The following MS4A6E variants were observed in gnomAD, a reference collection of about 807,000 sequenced individuals.
MS4A6E encodes the protein membrane-spanning 4-domains subfamily A member 6E.
A neutral mutation model predicts 13.2 loss-of-function variants in MS4A6E; 8 were observed. The ratio of observed to expected loss-of-function variants is 0.60; its 90% CI spans 0.35 to 1.09. MS4A6E has a LOEUF of 1.09. Ranked by LOEUF, MS4A6E falls within the 50% of genes least tolerant of loss-of-function variation. The pLI is 0.02. For missense variants in MS4A6E, 177 were observed against 171.1 expected (o/e 1.03, Z -0.19); for synonymous variants, 72 against 67.6 (o/e 1.06, Z -0.32).
Position 60,340,809 on chromosome 11 carries a change from G to C in MS4A6E, c.*43G>C. The C allele has an allele frequency of 5.0e-6, 1 of 198,690 alleles. No homozygotes were observed. The highest frequency in any genetic ancestry group is 1.1e-5 in the Non-Finnish European group (1 of 90,794). The allele number at this position is 198,690 out of a possible 1,614,324, so 12.3% of individuals were successfully genotyped here. On this transcript the variant is annotated 3_prime_UTR_variant, in exon 5 of 5. Coordinates refer to ENST00000684409, the MANE Select transcript of MS4A6E (RefSeq NM_139249.4). ...GTCCTCAAAGACGACTCATGATGCT[G>C]GATATGAAGAACTATTGACTTCTTG...
At chr11:60,338,691 A>C (rs1285491722) in intron 3 of MS4A6E, 1 of 152,242 alleles carries the variant, frequency 6.6e-6, no homozygotes. Context: ...CCAGCAACGC[A>C]TTGAGAGGAA....
rs1282669789 is a variant in MS4A6E at position 60,340,915 on chromosome 11, T to C, written c.*149T>C. ...CCTAACCATTATAAAAAAGCAAACT[T>C]GAGTTTCCTAAATGTAAGCATTTAA... is the stretch of plus-strand genomic sequence containing the variant. On this transcript the variant is annotated 3_prime_UTR_variant, in exon 5 of 5. Coordinates refer to ENST00000684409, the MANE Select transcript of MS4A6E (RefSeq NM_139249.4). 10 of 153,500 alleles carry C rather than the reference T, an allele frequency of 6.5e-5. No individual in the cohort carries two copies. The highest frequency in any genetic ancestry group is 1.5e-4 in the Non-Finnish European group (10 of 68,258). The allele number at this position is 153,500 out of a possible 1,614,324, so 9.5% of individuals were successfully genotyped here. A position where few individuals can be genotyped will look rare whatever the true frequency, so the allele number is the denominator to read the frequency against.
chr11:60,333,892 T>A (rs2085172003), intron 1 of MS4A6E, among the ~76,000 whole-genome samples: 1 of 152,202 alleles, frequency 6.6e-6, no homozygotes, highest in African/African-American at 2.4e-5. Flanking sequence ...CACGGGAACT[T>A]GGGAGCACTT....
intron 4 of MS4A6E, among the ~76,000 whole-genome samples, chr11:60,347,186 T>C (rs907267188): frequency 1.3e-5 from 2 of 152,198 alleles, no homozygotes; most frequent in Non-Finnish European, 2.9e-5. Flanking sequence ...ACTCAGTAGC[T>C]GTCTCAGATT....
At chr11:60,333,850 G>C (rs1183166710) in intron 1 of MS4A6E, among the ~76,000 whole-genome samples, 1 of 152,180 alleles carries the variant, frequency 6.6e-6, no homozygotes, top group Non-Finnish European at 1.5e-5. Flanking sequence ...CTCCTTTGTT[G>C]TCAAACATAA....
downstream of MS4A6E, among the ~76,000 whole-genome samples, chr11:60,345,580 C>T (rs2085252646): frequency 6.6e-6 from 1 of 152,178 alleles, no homozygotes; most frequent in African/African-American, 2.4e-5. Flanking sequence ...AACTTGTTCA[C>T]AGTCATATTC....
intron 2 of MS4A6E, among the ~76,000 whole-genome samples, chr11:60,335,802 A>G (rs989220024): frequency 3.3e-5 from 5 of 152,232 alleles, no homozygotes; most frequent in Non-Finnish European, 7.3e-5. Flanking sequence ...TCTGAGGTGG[A>G]TGTCAGGAAG....
At chr11:60,339,097 T>C (rs577294419) in intron 3 of MS4A6E, among the ~76,000 whole-genome samples, 49 of 152,306 alleles carry the variant, frequency 3.2e-4, no homozygotes, top group African/African-American at 1.2e-3. Context: ...TGTGTGTAAA[T>C]ACCACAAAAC....
At chr11:60,344,911 G>GT (rs56284334), downstream of MS4A6E, among the ~76,000 whole-genome samples, 1 of 151,716 alleles carries the variant, frequency 6.6e-6, no homozygotes, top group African/African-American at 2.4e-5. Flanking sequence ...TGTTTGTTTT[G>GT]TTTTTTTTGT....
chr11:60,342,144 AGTGT>A (rs757687887), downstream of MS4A6E, among the ~76,000 whole-genome samples: 3,479 of 125,494 alleles, frequency 0.028, 200 homozygotes, highest in Admixed American at 0.1. Flanking sequence ...AGGATAAACA[AGTGT>A]GTGTGTGTGT....
chr11:60,346,302 C>T (rs1565158277), downstream of MS4A6E, among the ~76,000 whole-genome samples: 1 of 152,206 alleles, frequency 6.6e-6, no homozygotes, highest in Non-Finnish European at 1.5e-5. Context: ...AAAACAGCTA[C>T]TGGAGGCTCT....
At chr11:60,343,414 T>C (rs183129064), downstream of MS4A6E, among the ~76,000 whole-genome samples, 48 of 152,310 alleles carry the variant, frequency 3.2e-4, no homozygotes, top group African/African-American at 1.1e-3. Flanking sequence ...ATTACAGCAA[T>C]TAGAATTTTC....
chr11:60,331,314 A>G (rs765810311), intron 1 of MS4A6E, among the ~76,000 whole-genome samples: 6 of 152,122 alleles, frequency 3.9e-5, no homozygotes, highest in Non-Finnish European at 8.8e-5. Flanking sequence ...ATATGAGGAT[A>G]ATGGAGGGGC....
intron 1 of MS4A6E, among the ~76,000 whole-genome samples, chr11:60,329,902 TG>T (rs1398490535): frequency 6.6e-6 from 1 of 150,808 alleles, no homozygotes; most frequent in Non-Finnish European, 1.5e-5. Flanking sequence ...CTCAGCTCAC[TG>T]CTACCTCTGC....
chr11:60,335,603 A>G (rs2085183904), intron 2 of MS4A6E: 2 of 455,086 alleles, frequency 4.4e-6, no homozygotes, highest in Non-Finnish European at 8.8e-6. Context: ...GGAGGGAAAC[A>G]CAGAGTTTTG....
chr11:60,329,824 CTT>C (rs35452287), intron 1 of MS4A6E, among the ~76,000 whole-genome samples: 1,508 of 135,086 alleles, frequency 0.011, 17 homozygotes, highest in African/African-American at 0.039. Flanking sequence ...CCTTCACCCA[CTT>C]TTTTTTTTTT....
downstream of MS4A6E, among the ~76,000 whole-genome samples, chr11:60,342,696 G>C (rs1399332728): frequency 6.6e-6 from 1 of 152,182 alleles, no homozygotes; most frequent in Non-Finnish European, 1.5e-5. Flanking sequence ...AAAGGGAAGA[G>C]GGAACCTCCA....
At chr11:60,338,543 A>G (rs1244507061) in intron 3 of MS4A6E, 2 of 152,568 alleles carry the variant, frequency 1.3e-5, no homozygotes, top group Non-Finnish European at 2.9e-5. Flanking sequence ...ATCAGGAGAT[A>G]AGAAATATAG....
Position 60,334,994 on chromosome 11 carries a change from G to T in MS4A6E, c.99G>T (p.Gly33=), listed in dbSNP as rs182542616. 1 of 1,614,160 alleles carries T rather than the reference G, an allele frequency of 6.2e-7. No individual in the cohort carries two copies. The highest frequency in any genetic ancestry group is 8.5e-7 in the Non-Finnish European group (1 of 1,180,030). The part of the protein sequence containing the change: ...QAEKPEPTNQ[G]QDSLKKRLQA... ...AGAAACCCGAACCCACCAACCAGGG[G>T]CAGGATAGCCTGAAGAAACGTCTAC... The change falls in exon 2 of 5, where the codon GGG becomes GGT. Residue 33 remains glycine (G), a synonymous_variant. Transcript: ENST00000684409.
Sources: allele counts gnomAD v4.1 joint callset (sites outside exome capture counted in the v4.1 genomes callset), GRCh38; gene constraint gnomAD v4.1.1; transcripts MANE v1.5; gene names NCBI Gene and HGNC (gene_info 2026-07-23, HGNC 2026-07-21).